Variants in FCRL3 observed in about 807,000 individuals in gnomAD.
The protein encoded by FCRL3 is Fc receptor-like protein 3.
FCRL3 carries 89 observed loss-of-function variants against 75.0 expected under a neutral mutation model. The observed-to-expected ratio is 1.19, with a 90% CI of 1.00 to 1.42. FCRL3 has a LOEUF of 1.42. Ranked by LOEUF, FCRL3 falls within the 40% of genes most tolerant of loss-of-function variation. The pLI is 0.00. For synonymous variants in FCRL3, 376 were observed against 348.5 expected (o/e 1.08, Z -0.88); for missense variants, 946 against 880.0 (o/e 1.07, Z -0.95).
intron 6 of FCRL3, chr1:157,696,751 A>T (rs886532181): frequency 4.4e-6 from 1 of 225,930 alleles, no homozygotes; most frequent in South Asian, 1.1e-4. Context: ...TTCTCTGACT[A>T]TTACAGTTCA....
At chr1:157,693,274 CAAAAA>C (rs375572340) in intron 8 of FCRL3, among the ~76,000 whole-genome samples, 3 of 54,768 alleles carry the variant, frequency 5.5e-5, no homozygotes, top group East Asian at 5.8e-4. Flanking sequence ...GACTCCATCT[CAAAAA>C]AAAAAAAAAA....
At position 157,695,419 on chromosome 1, in the gene FCRL3, G is replaced by A; in HGVS notation, c.1321C>T (p.Leu441=). ...SGGGASFNLS[L]TAEHSGNYSC... ...TAGTTTCCAGAATGTTCTGCAGTCAGAGAGAGGTTGAAGGAGGCTCCTCCT... is the reference window on the plus strand; with the variant it reads ...TAGTTTCCAGAATGTTCTGCAGTCAAAGAGAGGTTGAAGGAGGCTCCTCCT... The change falls in exon 8 of 15, where the codon CTG becomes TTG. Residue 441 remains leucine, a synonymous_variant. Coordinates refer to ENST00000368184, the MANE Select transcript of FCRL3 (RefSeq NM_052939.4). 3 of 1,614,228 alleles carry A rather than the reference G, an allele frequency of 1.9e-6. No homozygotes were observed. The highest frequency in any genetic ancestry group is 2.5e-6 in the Non-Finnish European group (3 of 1,180,016).
At chr1:157,691,335 A>C (rs1481517561) in intron 8 of FCRL3, among the ~76,000 whole-genome samples, 1 of 152,220 alleles carries the variant, frequency 6.6e-6, no homozygotes, top group Non-Finnish European at 1.5e-5. Flanking sequence ...AGTTGTGAGG[A>C]AAACTGGATG....
chr1:157,688,613 TAA>T (rs58535951), intron 10 of FCRL3, among the ~76,000 whole-genome samples: 8 of 137,952 alleles, frequency 5.8e-5, no homozygotes, highest in Non-Finnish European at 4.8e-5. Context: ...TAAGAAATGT[TAA>T]AAAAAAAAAA....
chr1:157,700,701 A>G lies in FCRL3; in HGVS notation c.-136T>C. 1 of 1,431,644 alleles carries G rather than the reference A, an allele frequency of 7.0e-7. No homozygotes were observed. The highest frequency in any genetic ancestry group is 9.2e-7 in the Non-Finnish European group (1 of 1,089,916). 88.7% of individuals were successfully genotyped at this position (1,431,644 alleles called of 1,614,324 possible). A position where few individuals can be genotyped will look rare whatever the true frequency, so the allele number is the denominator to read the frequency against. On this transcript the variant is annotated 5_prime_UTR_variant, in exon 1 of 15. Transcript: ENST00000368184. Reference sequence around the variant, plus strand: ...TTTGTATCTCAATCCCGGTAGTGATACATTTTTAGAAGTTGGGGCTCATCT... The same window carrying G: ...TTTGTATCTCAATCCCGGTAGTGATGCATTTTTAGAAGTTGGGGCTCATCT...
intron 8 of FCRL3, among the ~76,000 whole-genome samples, chr1:157,693,645 A>G (rs1021413773): frequency 2.0e-5 from 3 of 152,172 alleles, no homozygotes; most frequent in Admixed American, 6.5e-5. Context: ...AATATTCTAA[A>G]TCAAAGATTT....
chr1:157,679,215 C>A, intron 13 of FCRL3: 1 of 573,464 alleles, frequency 1.7e-6, no homozygotes, highest in Non-Finnish European at 3.1e-6. Context: ...AAAGTACTGC[C>A]CCAAGCACAA....
chr1:157,677,918 T>C lies in FCRL3; in HGVS notation c.*792A>G, dbSNP rs2101579451. The C allele has an allele frequency of 2.0e-6, 2 of 977,454 alleles. No homozygotes were observed. The highest frequency in any genetic ancestry group is 4.7e-5 in the South Asian group (1 of 21,136). 60.5% of individuals were successfully genotyped at this position (977,454 alleles called of 1,614,324 possible). A position where few individuals can be genotyped will look rare whatever the true frequency, so the allele number is the denominator to read the frequency against. On this transcript the variant is annotated 3_prime_UTR_variant, in exon 15 of 15. Transcript: ENST00000368184. ...GAGGAAGAGAATGGGAGAAGCCACATAGATATAGTAGGTTATTGTCTCGGG... is the reference window on the plus strand; with the variant it reads ...GAGGAAGAGAATGGGAGAAGCCACACAGATATAGTAGGTTATTGTCTCGGG...
chr1:157,700,664 T>C lies in FCRL3; in HGVS notation c.-99A>G. 1 of 1,467,768 alleles carries C rather than the reference T, an allele frequency of 6.8e-7. No homozygotes were observed. The highest frequency in any genetic ancestry group is 9.0e-7 in the Non-Finnish European group (1 of 1,106,112). 90.9% of individuals were successfully genotyped at this position (1,467,768 alleles called of 1,614,324 possible). The stretch of plus-strand genomic sequence containing the variant: ...TCTGAAAATGTGAATGTGGCTACCT[T>C]CCTAAATGCTGTTTGTATCTCAATC... On this transcript the variant is annotated splice_region_variant and 5_prime_UTR_variant, in exon 1 of 15. Transcript: ENST00000368184.
Position 157,678,396 on chromosome 1 carries a change from C to T in FCRL3, c.*314G>A, listed in dbSNP as rs551570639. ...CTTGGATCAAATGGTCATGATTGTG[C>T]CCTTGTAACCCTGGCTAGACCATTT... On this transcript the variant is annotated 3_prime_UTR_variant, in exon 15 of 15. Transcript: ENST00000368184. 7 of 1,180,418 alleles carry T rather than the reference C, an allele frequency of 5.9e-6. No homozygotes were observed. The highest frequency in any genetic ancestry group is 1.6e-5 in the African/African-American group (1 of 64,398). 73.1% of individuals were successfully genotyped at this position (1,180,418 alleles called of 1,614,324 possible).
At position 157,677,534 on chromosome 1, in the gene FCRL3, G is replaced by C; in HGVS notation, c.*1176C>G. On this transcript the variant is annotated 3_prime_UTR_variant, in exon 15 of 15. Transcript: ENST00000368184. The stretch of plus-strand genomic sequence containing the variant: ...AATGGAGGTGAAGTCACTGAAAATT[G>C]TTGGTACATTTTCATTTTTGTCATA... 1.5e-5 allele frequency: 15 copies of C among 985,174 alleles called. No individual in the cohort carries two copies. The highest frequency in any genetic ancestry group is 1.8e-5 in the Non-Finnish European group (15 of 829,704). The allele number at this position is 985,174 out of a possible 1,614,324, so 61.0% of individuals were successfully genotyped here. A position where few individuals can be genotyped will look rare whatever the true frequency, so the allele number is the denominator to read the frequency against.
intron 5 of FCRL3, 97 bp downstream of exon 5, chr1:157,697,562 A>G (rs1411317136): frequency 3.4e-6 from 5 of 1,490,870 alleles, no homozygotes; most frequent in Admixed American, 2.0e-5. Flanking sequence ...TGGCTGAGCC[A>G]TAGGAGACTC....
At chr1:157,680,878 G>T in intron 12 of FCRL3, 103 bp downstream of exon 12, 2 of 1,432,352 alleles carry the variant, frequency 1.4e-6, no homozygotes, top group South Asian at 1.2e-5. Flanking sequence ...GTAATGCTAG[G>T]AATGTCATTT....
At position 157,690,398 on chromosome 1, in the gene FCRL3, G is replaced by A. The variant is rs772310432; in HGVS notation, c.1547C>T (p.Thr516Ile). ...ILYWFYHEDD[T>I]LGNISAHSGG... ...AGAGTGGGCCGAGATGTTCCCCAAGGTGTCATCCTCGTGATAAAACCAGTA... is the reference window on the plus strand; with the variant it reads ...AGAGTGGGCCGAGATGTTCCCCAAGATGTCATCCTCGTGATAAAACCAGTA... The change falls in exon 9 of 15, where the codon ACC becomes ATC. Residue 516 changes from threonine to isoleucine, a missense_variant. Coordinates refer to ENST00000368184, the MANE Select transcript of FCRL3 (RefSeq NM_052939.4). The A allele has an allele frequency of 1.9e-6, 3 of 1,614,098 alleles. No individual in the cohort carries two copies. The highest frequency in any genetic ancestry group is 2.7e-5 in the African/African-American group (2 of 74,926).
chr1:157,677,776 T>A lies in FCRL3; in HGVS notation c.*934A>T. On this transcript the variant is annotated 3_prime_UTR_variant, in exon 15 of 15. Transcript: ENST00000368184. ...ATGGTCTTTAACTTATAGTTAAAAC[T>A]AATATAAAAACATATTTAAGGAAAA... is the stretch of plus-strand genomic sequence containing the variant. 4.0e-6 allele frequency: 2 copies of A among 499,772 alleles called. No individual in the cohort carries two copies. The highest frequency in any genetic ancestry group is 5.2e-6 in the Non-Finnish European group (2 of 386,710). The allele number at this position is 499,772 out of a possible 1,614,324, so 31.0% of individuals were successfully genotyped here.
rs915646866 is a variant in FCRL3, at chr1:157,696,070, G to T, written c.1102C>A (p.Leu368Ile). 1 of 1,612,540 alleles carries T rather than the reference G, an allele frequency of 6.2e-7. No homozygotes were observed. Among genetic ancestry groups the T allele is most frequent in the Admixed American group, 1.7e-5 (1 of 59,968 alleles). Residue 368 changes from leucine to isoleucine, a missense_variant, in exon 7 of 15, where the codon CTC becomes ATC. Physicochemically the swap from Leu to Ile is conservative, Grantham distance 5 (BLOSUM62 2). Transcript: ENST00000368184. ...CAADNVHSPI[L>I]STWIRVTVRI... ...ACGGTGACTCGAATCCACGTGCTGA[G>T]GATGGGGCTGTGAACGTTATCAGCT... is the stretch of plus-strand genomic sequence containing the variant.
intron 13 of FCRL3, among the ~76,000 whole-genome samples, chr1:157,679,597 A>G (rs1439341441): frequency 1.3e-5 from 2 of 152,092 alleles, no homozygotes; most frequent in East Asian, 3.9e-4. Flanking sequence ...TCTATTAGGC[A>G]TTAGGTAAGG....
rs376853177 is a variant in FCRL3 at position 157,696,327 on chromosome 1, C to A, written c.845G>T (p.Arg282Ile). Residue 282 changes from arginine to isoleucine, a missense_variant and splice_region_variant, in exon 7 of 15, where the codon AGA (arginine) becomes ATA (isoleucine). By Grantham distance (97) the Arg-to-Ile change is moderately conservative (BLOSUM62 -3). Coordinates refer to ENST00000368184, the MANE Select transcript of FCRL3 (RefSeq NM_052939.4). ...TAGATTCACATTAGACACAGGGACT[C>A]CTGGGGGAACACAAGATGGCATGTG... ...RSLRSQIRVQ[R>I]VPVSNVNLEI... 3.1e-6 allele frequency: 5 copies of A among 1,613,494 alleles called. No homozygotes were observed. In the African/African-American group the frequency reaches 6.7e-5, roughly 22 times the overall value.
rs1000151000 is a variant in FCRL3, at chr1:157,697,061, A to T, written c.844+79T>A. Reference sequence around the variant, plus strand: ...GACACTCCTCTCTGTTATGTCCACCATCCTAGGGGTGCAGGAGATATCACT... The same window carrying T: ...GACACTCCTCTCTGTTATGTCCACCTTCCTAGGGGTGCAGGAGATATCACT... On this transcript the variant is annotated intron_variant, in intron 6 of 14. Transcript: ENST00000368184. 3 of 1,300,026 alleles carry T rather than the reference A, an allele frequency of 2.3e-6. No individual in the cohort carries two copies. The East Asian group carries it at 8.0e-5, about 35-fold the overall frequency. 80.5% of individuals were successfully genotyped at this position (1,300,026 alleles called of 1,614,324 possible).
Sources: allele counts gnomAD v4.1 joint callset (sites outside exome capture counted in the v4.1 genomes callset), GRCh38; gene constraint gnomAD v4.1.1; transcripts MANE v1.5; gene names NCBI Gene and HGNC (gene_info 2026-07-23, HGNC 2026-07-21).